The following C8orf34 variants were observed in gnomAD, a reference collection of about 807,000 sequenced individuals.
C8orf34 encodes the protein chromosome 8 open reading frame 34.
C8orf34 carries 65 observed loss-of-function variants against 68.3 expected under a neutral mutation model. That is an observed-to-expected ratio of 0.95 (90% CI 0.78 to 1.17). The LOEUF (loss-of-function observed/expected upper bound fraction) is 1.17, where lower values mean the gene tolerates loss of function less well. Among genes scored for constraint, C8orf34 ranks in the 50% most tolerant of loss-of-function variants. The pLI, the probability that C8orf34 is intolerant of heterozygous loss-of-function variation, is 0.00. For synonymous variants in C8orf34, 244 were observed against 241.2 expected (o/e 1.01, Z -0.11); for missense variants, 664 against 655.4 (o/e 1.01, Z -0.14).
At chr8:68,724,587 G>C (rs1036047745) in intron 10 of C8orf34, among the ~76,000 whole-genome samples, 1 of 152,154 alleles carries the variant, frequency 6.6e-6, no homozygotes, top group East Asian at 1.9e-4. Context: ...CTCCAAATAA[G>C]CAAGTCGTTC....
chr8:68,770,461 A>C (rs898601232), intron 10 of C8orf34, among the ~76,000 whole-genome samples: 3 of 152,258 alleles, frequency 2.0e-5, no homozygotes, highest in African/African-American at 7.2e-5. Context: ...TTCTAGAGTC[A>C]ATTGACCAAT....
intron 11 of C8orf34, among the ~76,000 whole-genome samples, chr8:68,785,860 G>A (rs2129528952): frequency 6.6e-6 from 1 of 152,228 alleles, no homozygotes; most frequent in South Asian, 2.1e-4. Context: ...CAAACTTCTG[G>A]AAAATTGTGC....
At chr8:68,683,866 A>C (rs1370256952) in intron 8 of C8orf34, among the ~76,000 whole-genome samples, 1 of 152,188 alleles carries the variant, frequency 6.6e-6, no homozygotes, top group Non-Finnish European at 1.5e-5. Context: ...CATGTATAGA[A>C]GTCAGCATCT....
intron 8 of C8orf34, among the ~76,000 whole-genome samples, chr8:68,651,044 A>C (rs1308805276): frequency 2.0e-5 from 3 of 152,112 alleles, no homozygotes; most frequent in African/African-American, 7.2e-5. Flanking sequence ...AGCCTTGCTG[A>C]GGACTCCTTT....
intron 8 of C8orf34, among the ~76,000 whole-genome samples, chr8:68,687,725 C>T (rs1394290585): frequency 6.6e-6 from 1 of 151,706 alleles, no homozygotes; most frequent in East Asian, 1.9e-4. Flanking sequence ...TGACTAAGAC[C>T]CTAAAAGCAA....
chr8:68,786,589 G>A (rs1823853351), intron 11 of C8orf34, among the ~76,000 whole-genome samples: 1 of 152,192 alleles, frequency 6.6e-6, no homozygotes, highest in South Asian at 2.1e-4. Flanking sequence ...GAAGAGGAGT[G>A]TTAATGTTTA....
At chr8:68,335,374 T>C (rs1310833668) in intron 1 of C8orf34, among the ~76,000 whole-genome samples, 2 of 152,226 alleles carry the variant, frequency 1.3e-5, no homozygotes, top group Non-Finnish European at 1.5e-5. Flanking sequence ...TATGTTCAAC[T>C]TAAATATTGT....
At chr8:68,386,339 T>C (rs779035462) in intron 1 of C8orf34, among the ~76,000 whole-genome samples, 4 of 152,224 alleles carry the variant, frequency 2.6e-5, no homozygotes, top group Admixed American at 6.5e-5. Context: ...TGGTCATTTC[T>C]ACAATGACTA....
chr8:68,557,024 A>G (rs1816277403), intron 7 of C8orf34, among the ~76,000 whole-genome samples: 2 of 152,320 alleles, frequency 1.3e-5, no homozygotes, highest in Non-Finnish European at 2.9e-5. Flanking sequence ...TTTCTACCAT[A>G]CATACAACCT....
intron 10 of C8orf34, among the ~76,000 whole-genome samples, chr8:68,760,162 C>G (rs1822982526): frequency 6.6e-6 from 1 of 152,146 alleles, no homozygotes; most frequent in Non-Finnish European, 1.5e-5. Context: ...AGGCGGAGGA[C>G]AGCCTGCGGA....
intron 1 of C8orf34, among the ~76,000 whole-genome samples, chr8:68,402,083 G>A (rs1017436456): frequency 8.5e-5 from 13 of 152,080 alleles, no homozygotes; most frequent in South Asian, 6.2e-4. Context: ...CTCCAATTTC[G>A]TTACTTGTTA....
chr8:68,471,201 A>G (rs983218304), intron 4 of C8orf34, among the ~76,000 whole-genome samples: 4 of 152,070 alleles, frequency 2.6e-5, no homozygotes, highest in African/African-American at 9.7e-5. Flanking sequence ...AAGGGACTCT[A>G]CTGTTTTAGG....
At chr8:68,633,182 C>T (rs1332828244) in intron 7 of C8orf34, among the ~76,000 whole-genome samples, 1 of 152,108 alleles carries the variant, frequency 6.6e-6, no homozygotes, top group Non-Finnish European at 1.5e-5. Context: ...GTTACTGCAG[C>T]TGCTTGACAA....
At chr8:68,489,753 T>G (rs939870052) in intron 5 of C8orf34, among the ~76,000 whole-genome samples, 67 of 152,180 alleles carry the variant, frequency 4.4e-4, no homozygotes, top group Non-Finnish European at 4.9e-4. Context: ...TCCTGACATT[T>G]TAAAACAATA....
chr8:68,433,008 A>C (rs192696513), intron 1 of C8orf34, among the ~76,000 whole-genome samples: 13 of 152,268 alleles, frequency 8.5e-5, no homozygotes, highest in Admixed American at 8.5e-4. Context: ...ATCAATTTTA[A>C]ATGGGGGCAA....
chr8:68,338,007 T>C (rs188561598), intron 1 of C8orf34, among the ~76,000 whole-genome samples: 5 of 152,360 alleles, frequency 3.3e-5, no homozygotes, highest in Non-Finnish European at 7.3e-5. Context: ...TTTGCACCTA[T>C]ATATAGTCAG....
intron 1 of C8orf34, among the ~76,000 whole-genome samples, chr8:68,413,499 C>A (rs1163308381): frequency 6.6e-6 from 1 of 152,176 alleles, no homozygotes; most frequent in Non-Finnish European, 1.5e-5. Context: ...GGCACTTTAT[C>A]TCTCATCTAT....
chr8:68,517,952 T>A (rs1814588787), intron 5 of C8orf34, among the ~76,000 whole-genome samples: 1 of 152,224 alleles, frequency 6.6e-6, no homozygotes, highest in South Asian at 2.1e-4. Flanking sequence ...ATCTGCACTG[T>A]CAATTCCCTG....
intron 5 of C8orf34, among the ~76,000 whole-genome samples, chr8:68,501,064 G>A (rs927296003): frequency 2.0e-5 from 3 of 152,128 alleles, no homozygotes; most frequent in African/African-American, 7.2e-5. Context: ...CACTGCAGAA[G>A]GAGCCCATGG....
Sources: gnomAD v4.1 joint callset for allele counts (sites outside exome capture counted in the v4.1 genomes callset) on GRCh38, gnomAD v4.1.1 for gene constraint, MANE v1.5 for transcripts, NCBI Gene and HGNC (gene_info 2026-07-23, HGNC 2026-07-21) for gene names.